DTL: variants seen among roughly 807,000 people sequenced by gnomAD.
DTL encodes denticleless protein homolog.
Under a neutral mutation model 87.0 loss-of-function variants are expected in DTL, and 46 were observed. That is an observed-to-expected ratio of 0.53 (90% CI 0.42 to 0.68). DTL has a LOEUF of 0.68. Ranked by LOEUF, DTL falls within the 30% of genes least tolerant of loss-of-function variation. DTL has a pLI of 0.00. For synonymous variants in DTL, 308 were observed against 311.2 expected, an observed-to-expected ratio of 0.99 and a Z score of 0.11; for missense variants, 737 against 869.4, an observed-to-expected ratio of 0.85 and a Z score of 1.91.
intron 5 of DTL, among the ~76,000 whole-genome samples, chr1:212,056,958 AAAT>A (rs1371421456): frequency 6.6e-6 from 1 of 152,152 alleles, no homozygotes; most frequent in Non-Finnish European, 1.5e-5. Context: ...AATAGAGAAA[AAAT>A]AATAAACATG....
chr1:212,044,418 A>G (rs1397564487), intron 2 of DTL, among the ~76,000 whole-genome samples: 2 of 152,148 alleles, frequency 1.3e-5, no homozygotes, highest in Non-Finnish European at 2.9e-5. Context: ...CAGCCTGACC[A>G]GCATGGTGAA....
intron 13 of DTL, among the ~76,000 whole-genome samples, chr1:212,096,290 A>G (rs1655449091): frequency 6.6e-6 from 1 of 152,090 alleles, no homozygotes; most frequent in Non-Finnish European, 1.5e-5. Context: ...CTAATGGGCT[A>G]TCAATTTTGT....
chr1:212,070,926 T>C (rs568976711), intron 10 of DTL, among the ~76,000 whole-genome samples: 1 of 152,158 alleles, frequency 6.6e-6, no homozygotes, highest in Non-Finnish European at 1.5e-5. Flanking sequence ...TACTTACAGG[T>C]GTAGTGGGAA....
chr1:212,044,602 G>GAA (rs373465088), intron 2 of DTL, 58 bp from the exon 3 acceptor site: 9,911 of 871,826 alleles, frequency 0.011, 9 homozygotes, highest in African/African-American at 0.022. Context: ...GACTCCGTCT[G>GAA]AAAAAAAAAA....
At chr1:212,063,207 A>G (rs999255871) in intron 6 of DTL, among the ~76,000 whole-genome samples, 3 of 152,062 alleles carry the variant, frequency 2.0e-5, no homozygotes, top group African/African-American at 7.2e-5. Flanking sequence ...TACCCACATT[A>G]TTGATGGACT....
At chr1:212,061,860 G>A (rs1333243223) in intron 5 of DTL, among the ~76,000 whole-genome samples, 1 of 152,198 alleles carries the variant, frequency 6.6e-6, no homozygotes, top group African/African-American at 2.4e-5. Flanking sequence ...AAGTGAGTGG[G>A]TGTGAGGGGG....
intron 2 of DTL, among the ~76,000 whole-genome samples, chr1:212,044,064 A>G (rs1158729827): frequency 6.6e-6 from 1 of 152,126 alleles, no homozygotes; most frequent in African/African-American, 2.4e-5. Flanking sequence ...ATTCCTGCCT[A>G]GGTGACATAG....
intron 13 of DTL, among the ~76,000 whole-genome samples, chr1:212,096,800 C>G (rs1402723957): frequency 2.0e-5 from 3 of 152,206 alleles, no homozygotes; most frequent in South Asian, 2.1e-4. Flanking sequence ...CATATGGTCT[C>G]TATCTTGGAG....
intron 13 of DTL, among the ~76,000 whole-genome samples, chr1:212,093,312 T>A (rs1404922836): frequency 6.6e-6 from 1 of 152,192 alleles, no homozygotes; most frequent in Non-Finnish European, 1.5e-5. Context: ...TACAGTGTGC[T>A]CTTTTAGTTT....
At chr1:212,080,575 AT>A (rs3839029) in intron 12 of DTL, 39 bp from the exon 13 acceptor site, 108,942 of 1,584,880 alleles carry the variant, frequency 0.069, 4,118 homozygotes, top group Non-Finnish European at 0.076. Context: ...TTGAATCTTG[AT>A]TGAAATTTCT....
At chr1:212,049,578 A>AT (rs1383852435) in intron 5 of DTL, among the ~76,000 whole-genome samples, 1 of 152,092 alleles carries the variant, frequency 6.6e-6, no homozygotes, top group Non-Finnish European at 1.5e-5. Context: ...TTTTTTCATG[A>AT]TTTTCAGTAG....
At position 212,047,475 on chromosome 1, in the gene DTL, G is replaced by A. The variant is rs1375721562; in HGVS notation, c.460+58G>A. 7 of 1,600,366 alleles carry A rather than the reference G, an allele frequency of 4.4e-6. No individual in the cohort carries two copies. In the East Asian group the frequency reaches 1.6e-4, roughly 36 times the overall value. On this transcript the variant is annotated intron_variant, in intron 5 of 14. Transcript: ENST00000366991. ...AACCTTCTTTGCAGTTGGGAGATAAGAACCTGTAATTGTTTCTACCCTTTC... is the reference window on the plus strand; with the variant it reads ...AACCTTCTTTGCAGTTGGGAGATAAAAACCTGTAATTGTTTCTACCCTTTC...
At chr1:212,071,004 A>G (rs564980520) in intron 10 of DTL, among the ~76,000 whole-genome samples, 29 of 152,364 alleles carry the variant, frequency 1.9e-4, no homozygotes, top group African/African-American at 6.5e-4. Context: ...TTTTAGAACA[A>G]TGTTCAGAAT....
At chr1:212,093,848 G>T (rs1272114413) in intron 13 of DTL, among the ~76,000 whole-genome samples, 1 of 152,156 alleles carries the variant, frequency 6.6e-6, no homozygotes, top group Non-Finnish European at 1.5e-5. Context: ...TCCTCACCTA[G>T]GTCTGTGGGG....
rs534686242 is a variant in DTL at position 212,078,331 on chromosome 1, G to C, written c.1125+69G>C. ...AGGTTTGTAGGTTTTTCTAAGGTTTGTTTTGAGAATGATATAAATTTTTAT... is the reference window on the plus strand; with the variant it reads ...AGGTTTGTAGGTTTTTCTAAGGTTTCTTTTGAGAATGATATAAATTTTTAT... On this transcript the variant is annotated intron_variant, in intron 12 of 14. Transcript: ENST00000366991. The C allele has an allele frequency of 1.3e-4, 132 of 983,462 alleles. 2 individuals carry two copies. The South Asian group carries it at 1.8e-3, about 13-fold the overall frequency. 60.9% of individuals were successfully genotyped at this position (983,462 alleles called of 1,614,324 possible).
chr1:212,072,240 T>C (rs1249887869), intron 11 of DTL, 27 bp downstream of exon 11: 5 of 1,519,970 alleles, frequency 3.3e-6, no homozygotes, highest in Non-Finnish European at 3.7e-6. Context: ...CACCCACAAG[T>C]GTTAGACTGA....
chr1:212,066,618 A>G (rs1391709845), intron 7 of DTL, among the ~76,000 whole-genome samples, 194 bp from the exon 8 acceptor site: 2 of 152,218 alleles, frequency 1.3e-5, no homozygotes, highest in East Asian at 3.8e-4. Flanking sequence ...TTGAAATATT[A>G]ACACTGTATA....
intron 13 of DTL, among the ~76,000 whole-genome samples, chr1:212,092,809 T>C (rs1293553142): frequency 6.6e-6 from 1 of 152,228 alleles, no homozygotes; most frequent in Non-Finnish European, 1.5e-5. Context: ...GATCAAATGG[T>C]AGATCTACTT....
At chr1:212,059,206 C>CA (rs1297969562) in intron 5 of DTL, among the ~76,000 whole-genome samples, 1 of 151,782 alleles carries the variant, frequency 6.6e-6, no homozygotes, top group African/African-American at 2.4e-5. Context: ...CAAAACCAGA[C>CA]AAGCACAAGG....
Sources: gnomAD v4.1 joint callset for allele counts (sites outside exome capture counted in the v4.1 genomes callset) on GRCh38, gnomAD v4.1.1 for gene constraint, MANE v1.5 for transcripts, NCBI Gene and HGNC (gene_info 2026-07-23, HGNC 2026-07-21) for gene names.